PTPN4: variants seen among roughly 807,000 people sequenced by gnomAD.
PTPN4 encodes protein tyrosine phosphatase non-receptor type 4, also known as tyrosine-protein phosphatase non-receptor type 4.
Under a neutral mutation model 135.5 loss-of-function variants are expected in PTPN4, and 49 were observed. The observed-to-expected ratio is 0.36, with a 90% confidence interval of 0.29 to 0.46. The LOEUF (loss-of-function observed/expected upper bound fraction) is 0.46, where lower values mean the gene tolerates loss of function less well. Among genes scored for constraint, PTPN4 ranks in the 20% least tolerant of loss-of-function variants. PTPN4 has a pLI of 1.00. For missense variants in PTPN4, 860 were observed against 1,101.0 expected (o/e 0.78, Z 3.10); for synonymous variants, 333 against 369.9 (o/e 0.90, Z 1.14).
intron 11 of PTPN4, among the ~76,000 whole-genome samples, chr2:119,918,159 C>A (rs1678684913): frequency 6.6e-6 from 1 of 152,174 alleles, no homozygotes; most frequent in Admixed American, 6.5e-5. Context: ...AGACAATTTT[C>A]TGGCAATCAA....
intron 15 of PTPN4, among the ~76,000 whole-genome samples, chr2:119,940,688 T>C (rs1679048692): frequency 2.0e-5 from 3 of 151,840 alleles, no homozygotes; most frequent in African/African-American, 4.8e-5. Context: ...AAAATAAGAG[T>C]TTTTTAAAGA....
intron 2 of PTPN4, among the ~76,000 whole-genome samples, chr2:119,813,277 C>T (rs1009248628): frequency 2.0e-5 from 3 of 149,916 alleles, no homozygotes; most frequent in Admixed American, 6.6e-5. Flanking sequence ...GACGGAGTTT[C>T]GCTGTTGTTG....
chr2:119,811,238 A>T (rs1208528515), intron 2 of PTPN4, among the ~76,000 whole-genome samples: 1 of 152,184 alleles, frequency 6.6e-6, no homozygotes, highest in African/African-American at 2.4e-5. Context: ...ATAATACAAA[A>T]AATGAATCTT....
In PTPN4 at chr2:119,977,317, C is replaced by A; in HGVS notation, c.*247C>A. The A allele has an allele frequency of 2.1e-6, 1 of 483,712 alleles. No homozygotes were observed. Among genetic ancestry groups the A allele is most frequent in the Non-Finnish European group, 2.9e-6 (1 of 341,046 alleles). The allele number at this position is 483,712 out of a possible 1,614,324, so 30.0% of individuals were successfully genotyped here. A position where few individuals can be genotyped will look rare whatever the true frequency, so the allele number is the denominator to read the frequency against. The stretch of plus-strand genomic sequence containing the variant: ...CAAATAGTAAATAACTGAGTATGTT[C>A]AGGGTAATTTATGAAATTTTGTGGT... On this transcript the variant is annotated 3_prime_UTR_variant, in exon 27 of 27. Coordinates refer to ENST00000263708, the MANE Select transcript of PTPN4 (RefSeq NM_002830.4).
chr2:119,791,916 T>C (rs1691156346), intron 1 of PTPN4, among the ~76,000 whole-genome samples: 2 of 152,204 alleles, frequency 1.3e-5, no homozygotes, highest in African/African-American at 2.4e-5. Flanking sequence ...GGACTTTTAT[T>C]GTGACTGTAT....
At chr2:119,899,708 T>C (rs1678376947) in intron 9 of PTPN4, among the ~76,000 whole-genome samples, 2 of 152,172 alleles carry the variant, frequency 1.3e-5, no homozygotes, top group Non-Finnish European at 2.9e-5. Flanking sequence ...TTCTAATTGA[T>C]GTCCTTTAAA....
At chr2:119,848,058 C>T (rs1055367382) in intron 2 of PTPN4, among the ~76,000 whole-genome samples, 1 of 151,204 alleles carries the variant, frequency 6.6e-6, no homozygotes, top group Non-Finnish European at 1.5e-5. Context: ...TGGTGTGGAT[C>T]GTTTTGCATT....
chr2:119,913,046 G>C (rs1472410138), intron 10 of PTPN4, among the ~76,000 whole-genome samples: 2 of 152,014 alleles, frequency 1.3e-5, no homozygotes, highest in Admixed American at 1.3e-4. Context: ...CCGCATTGTA[G>C]TATGTATCAG....
intron 1 of PTPN4, among the ~76,000 whole-genome samples, chr2:119,763,657 C>T (rs1334227781): frequency 3.3e-5 from 5 of 152,114 alleles, no homozygotes; most frequent in Admixed American, 6.6e-5. Flanking sequence ...TTTCCTTCAA[C>T]TTTATTGAAG....
At chr2:119,819,911 A>G (rs1446984266) in intron 2 of PTPN4, among the ~76,000 whole-genome samples, 8 of 152,114 alleles carry the variant, frequency 5.3e-5, no homozygotes, top group Non-Finnish European at 1.2e-4. Context: ...TCCAGGATGG[A>G]ATGTGGTAGT....
At chr2:119,833,443 C>T (rs1677247789) in intron 2 of PTPN4, among the ~76,000 whole-genome samples, 1 of 151,884 alleles carries the variant, frequency 6.6e-6, no homozygotes, top group Non-Finnish European at 1.5e-5. Context: ...TAGAGCAAAT[C>T]CTTTTGTATC....
At chr2:119,799,734 G>A (rs1029738567) in intron 1 of PTPN4, among the ~76,000 whole-genome samples, 12 of 152,128 alleles carry the variant, frequency 7.9e-5, no homozygotes, top group Admixed American at 3.9e-4. Flanking sequence ...CACAGGAAAC[G>A]GAAAAGAAGG....
chr2:119,762,952 C>G (rs867288285), intron 1 of PTPN4, among the ~76,000 whole-genome samples: 1 of 152,048 alleles, frequency 6.6e-6, no homozygotes. Flanking sequence ...TTCTGAAAAT[C>G]CTTTTTATTG....
chr2:119,931,181 C>G (rs1015030106), intron 13 of PTPN4, among the ~76,000 whole-genome samples: 1 of 151,956 alleles, frequency 6.6e-6, no homozygotes, highest in African/African-American at 2.4e-5. Flanking sequence ...AAACTGTTTA[C>G]AAGATGATTT....
chr2:119,899,732 T>C (rs2105014324), intron 9 of PTPN4, among the ~76,000 whole-genome samples: 1 of 152,276 alleles, frequency 6.6e-6, no homozygotes, highest in East Asian at 1.9e-4. Context: ...TGCTTTTTAA[T>C]ACTCTGATAA....
chr2:119,961,691 G>T (rs1679368730), intron 23 of PTPN4, among the ~76,000 whole-genome samples: 1 of 152,168 alleles, frequency 6.6e-6, no homozygotes, highest in Admixed American at 6.5e-5. Context: ...CTTATGGTTG[G>T]ATATTATTTG....
At chr2:119,861,493 C>G (rs1677760102) in intron 2 of PTPN4, among the ~76,000 whole-genome samples, 1 of 152,070 alleles carries the variant, frequency 6.6e-6, no homozygotes, top group Non-Finnish European at 1.5e-5. Context: ...ATAGAAGTTT[C>G]CTCCAGTATT....
intron 22 of PTPN4, among the ~76,000 whole-genome samples, chr2:119,960,497 G>A (rs1679350789): frequency 6.6e-6 from 1 of 152,056 alleles, no homozygotes; most frequent in Non-Finnish European, 1.5e-5. Context: ...AATCATAATC[G>A]GCCGGGTGTG....
rs117479153 is a variant in PTPN4, at chr2:119,817,035, A to T, written c.138+7044A>T. Among the ~76,000 whole-genome samples the T allele has an allele frequency of 6.6e-5, 10 of 152,310 alleles. No homozygotes were observed. In the East Asian group the frequency reaches 1.5e-3, roughly 24 times the overall value. On this transcript the variant is annotated intron_variant, in intron 2 of 26. Transcript: ENST00000263708. ...GCTGAGACCTATCTCAGAAGTTGCCATAGAGCTGTGTGAACAGACCTGAGT... is the reference window on the plus strand; with the variant it reads ...GCTGAGACCTATCTCAGAAGTTGCCTTAGAGCTGTGTGAACAGACCTGAGT...
Sources: gnomAD v4.1 joint callset for allele counts (sites outside exome capture counted in the v4.1 genomes callset) on GRCh38, gnomAD v4.1.1 for gene constraint, MANE v1.5 for transcripts, NCBI Gene and HGNC (gene_info 2026-07-23, HGNC 2026-07-21) for gene names.